WDPCP: variants seen among roughly 807,000 people sequenced by gnomAD.
WDPCP encodes the protein WD repeat containing planar cell polarity effector.
Under a neutral mutation model 93.1 loss-of-function variants are expected in WDPCP, and 71 were observed. The observed-to-expected ratio is 0.76, with a 90% CI of 0.63 to 0.93. The LOEUF (loss-of-function observed/expected upper bound fraction) is 0.93. WDPCP is among the 40% of genes least tolerant of loss of function. The pLI, the probability that WDPCP is intolerant of heterozygous loss-of-function variation, is 0.00. For missense variants in WDPCP, 844 were observed against 887.4 expected (o/e 0.95, Z 0.62); for synonymous variants, 315 against 315.0 (o/e 1.00, Z 0.00).
chr2:63,583,864 G>T (rs116023018), intron 1 of WDPCP, among the ~76,000 whole-genome samples: 3,862 of 152,144 alleles, frequency 0.025, 74 homozygotes, highest in Non-Finnish European at 0.035. Flanking sequence ...CCAGCTACCT[G>T]GGAGCCTGAG....
upstream of WDPCP, among the ~76,000 whole-genome samples, chr2:63,830,980 C>T (rs540407257): frequency 4.6e-5 from 7 of 152,098 alleles, no homozygotes; most frequent in South Asian, 2.1e-4. Flanking sequence ...CTGTCTCCTA[C>T]GAATTTCAAA....
chr2:63,331,917 T>C (rs1305820641), intron 12 of WDPCP, among the ~76,000 whole-genome samples: 1 of 152,010 alleles, frequency 6.6e-6, no homozygotes, highest in Admixed American at 6.6e-5. Context: ...TAGCTAGCTT[T>C]TAAAAAAAAA....
intron 13 of WDPCP, among the ~76,000 whole-genome samples, chr2:63,303,206 T>G (rs995163947): frequency 6.6e-6 from 1 of 152,188 alleles, no homozygotes; most frequent in Non-Finnish European, 1.5e-5. Flanking sequence ...CGATTTTAGC[T>G]TGTTCAAGGC....
intron 9 of WDPCP, among the ~76,000 whole-genome samples, chr2:63,411,617 G>T (rs1290152285): frequency 1.3e-5 from 2 of 152,012 alleles, no homozygotes; most frequent in African/African-American, 4.8e-5. Context: ...ATCAATAAAA[G>T]TGATAGACCA....
At chr2:63,790,718 T>C (rs559178146) in intron 2 of WDPCP, among the ~76,000 whole-genome samples, 41 of 152,322 alleles carry the variant, frequency 2.7e-4, no homozygotes, top group African/African-American at 7.7e-4. Flanking sequence ...AGGAAAGTCC[T>C]ATTTCTGTAC....
intron 6 of WDPCP, among the ~76,000 whole-genome samples, chr2:63,471,310 T>G (rs1699676249): frequency 6.6e-6 from 1 of 152,212 alleles, no homozygotes; most frequent in South Asian, 2.1e-4. Flanking sequence ...ATATCTCAGA[T>G]TCAGACTTCT....
At chr2:63,378,244 G>T in intron 12 of WDPCP, 142 bp downstream of exon 12, 1 of 1,109,088 alleles carries the variant, frequency 9.0e-7, no homozygotes, top group Non-Finnish European at 1.3e-6. Flanking sequence ...AATTAAATAA[G>T]ACCAAAAGAA....
chr2:63,392,063 A>G (rs1325931398), intron 10 of WDPCP, among the ~76,000 whole-genome samples: 1 of 152,236 alleles, frequency 6.6e-6, no homozygotes, highest in Non-Finnish European at 1.5e-5. Context: ...ACCAAAAAAG[A>G]GCTTGCATTG....
rs541487983 is a variant in WDPCP at position 63,268,811 on chromosome 2, A to T, written c.1813-9402T>A. On this transcript the variant is annotated intron_variant, in intron 13 of 17. Coordinates refer to ENST00000272321, the MANE Select transcript of WDPCP (RefSeq NM_015910.7). The stretch of plus-strand genomic sequence containing the variant: ...AAAAAAGATTTTTAATGTTATGATC[A>T]TAAAAAATAAATTGGTAAGGTAACA... Among the ~76,000 whole-genome samples the T allele has an allele frequency of 9.2e-5, 14 of 152,310 alleles. No individual in the cohort carries two copies. The South Asian group carries it at 2.9e-3, about 32-fold the overall frequency.
rs189488658 is a variant in WDPCP at position 63,406,512 on chromosome 2, A to G, written c.826-1855T>C. Among the ~76,000 whole-genome samples the G allele has an allele frequency of 2.6e-5, 4 of 152,324 alleles. No homozygotes were observed. In the East Asian group the frequency reaches 7.7e-4, roughly 29 times the overall value. On this transcript the variant is annotated intron_variant, in intron 9 of 17. Transcript: ENST00000272321. ...AAGTAATACATTTCCCTCCTATCAC[A>G]AGGTTCATAGCTGACACCCCCTATA...
At chr2:63,229,018 A>T (rs2104540969) in intron 14 of WDPCP, 1 of 152,340 alleles carries the variant, frequency 6.6e-6, no homozygotes, top group East Asian at 1.9e-4. Flanking sequence ...ACTGACTTCC[A>T]CAATGGTTGA....
chr2:63,687,594 C>A (rs1182032849), intron 2 of WDPCP, among the ~76,000 whole-genome samples: 2 of 152,178 alleles, frequency 1.3e-5, no homozygotes, highest in Non-Finnish European at 2.9e-5. Context: ...TGCTCAATAT[C>A]ATTCATCATC....
chr2:63,146,975 T>C (rs191651071), intron 17 of WDPCP, among the ~76,000 whole-genome samples: 49 of 152,324 alleles, frequency 3.2e-4, no homozygotes, highest in Non-Finnish European at 3.5e-4. Context: ...AAACTAGTGT[T>C]ACTGAGAAGG....
intron 1 of WDPCP, among the ~76,000 whole-genome samples, chr2:63,824,616 AAAAGAATCAATCAAATCTTTATCT>A (rs1257623967): frequency 6.6e-6 from 1 of 150,496 alleles, no homozygotes; most frequent in Non-Finnish European, 1.5e-5. Flanking sequence ...GCCATTTTTT[AAAAGAATCAATCAAATCTTTATCT>A]TATACTGTAT....
At chr2:63,735,942 T>C (rs1438900614) in intron 2 of WDPCP, among the ~76,000 whole-genome samples, 1 of 152,086 alleles carries the variant, frequency 6.6e-6, no homozygotes, top group Non-Finnish European at 1.5e-5. Context: ...TTTTCGAGAG[T>C]CCTTTCCAGT....
chr2:63,308,501 T>C (rs562875176), intron 13 of WDPCP, among the ~76,000 whole-genome samples: 1 of 152,296 alleles, frequency 6.6e-6, no homozygotes, highest in East Asian at 1.9e-4. Flanking sequence ...CCCAAATGCC[T>C]ATCAGTGATA....
In WDPCP at chr2:63,544,717, A is replaced by G. The variant is rs1197758248; in HGVS notation, c.75+43480T>C. Reference sequence around the variant, plus strand: ...TCTTCACTCAGAATCATATTTTAAAAGCTGTATATAAGGAAAGGTATGCTA... The same window carrying G: ...TCTTCACTCAGAATCATATTTTAAAGGCTGTATATAAGGAAAGGTATGCTA... On this transcript the variant is annotated intron_variant, in intron 1 of 17. Transcript: ENST00000272321. Among the ~76,000 whole-genome samples the G allele has an allele frequency of 3.3e-5, 5 of 152,142 alleles. 1 individual carries two copies. The highest frequency in any genetic ancestry group is 2.6e-4 in the Admixed American group (4 of 15,252).
intron 3 of WDPCP, chr2:63,642,558 G>A (rs1558873618): frequency 6.7e-6 from 1 of 149,496 alleles, no homozygotes; most frequent in South Asian, 2.1e-4. Context: ...TTTTATTTGT[G>A]GCTATTGTAA....
chr2:63,548,347 C>G (rs904556262), intron 1 of WDPCP, among the ~76,000 whole-genome samples: 3 of 151,874 alleles, frequency 2.0e-5, no homozygotes, highest in South Asian at 2.1e-4. Context: ...AGAGGTTCAA[C>G]TCACCATGAA....
Sources: gnomAD v4.1 joint callset for allele counts (sites outside exome capture counted in the v4.1 genomes callset) on GRCh38, gnomAD v4.1.1 for gene constraint, MANE v1.5 for transcripts, NCBI Gene and HGNC (gene_info 2026-07-23, HGNC 2026-07-21) for gene names.